Variants in XKR4 observed in about 807,000 individuals in gnomAD.
The protein encoded by XKR4 is XK-related protein 4.
Under a neutral mutation model 53.9 loss-of-function variants are expected in XKR4, and 12 were observed. That is an observed-to-expected ratio of 0.22 (90% CI 0.14 to 0.36). The LOEUF (loss-of-function observed/expected upper bound fraction) is 0.36, where lower values mean the gene tolerates loss of function less well. Ranked by LOEUF, XKR4 falls within the 10% of genes least tolerant of loss-of-function variation. The pLI, the probability that XKR4 is intolerant of heterozygous loss-of-function variation, is 1.00. For synonymous variants in XKR4, 354 were observed against 362.4 expected (o/e 0.98, Z 0.26); for missense variants, 799 against 859.5 (o/e 0.93, Z 0.88).
chr8:55,120,716 A>G (rs1816379343), intron 1 of XKR4, among the ~76,000 whole-genome samples: 3 of 152,130 alleles, frequency 2.0e-5, no homozygotes, highest in South Asian at 2.1e-4. Flanking sequence ...ACTGATGGAA[A>G]ATATTGATAT....
chr8:55,453,692 T>C (rs931635706), intron 2 of XKR4: 5 of 400,868 alleles, frequency 1.2e-5, no homozygotes, highest in Admixed American at 9.4e-5. Flanking sequence ...CCATCTCAGG[T>C]GGCTGCTGTC....
intron 2 of XKR4, among the ~76,000 whole-genome samples, chr8:55,361,322 T>C (rs1803903650): frequency 6.6e-6 from 1 of 151,736 alleles, no homozygotes; most frequent in Admixed American, 6.6e-5. Context: ...GAAAGTGGGA[T>C]GGGGAGAAGG....
At chr8:55,214,739 A>T (rs994327274) in intron 1 of XKR4, among the ~76,000 whole-genome samples, 6 of 152,012 alleles carry the variant, frequency 3.9e-5, no homozygotes, top group African/African-American at 1.2e-4. Flanking sequence ...TCCCCTGTTT[A>T]CCTGTGGGTA....
intron 1 of XKR4, among the ~76,000 whole-genome samples, chr8:55,124,130 C>A (rs762061120): frequency 6.6e-6 from 1 of 152,186 alleles, no homozygotes; most frequent in Non-Finnish European, 1.5e-5. Flanking sequence ...TTACAAATGC[C>A]TCCCCTAACT....
chr8:55,221,457 T>A (rs1388415314), intron 1 of XKR4, among the ~76,000 whole-genome samples: 4 of 152,194 alleles, frequency 2.6e-5, no homozygotes, highest in African/African-American at 9.6e-5. Context: ...GAGCAGGGTG[T>A]GGCGGTTTCC....
intron 1 of XKR4, among the ~76,000 whole-genome samples, chr8:55,311,829 C>CAA (rs57826022): frequency 0.042 from 4,131 of 98,066 alleles, 148 homozygotes; most frequent in African/African-American, 0.13. Flanking sequence ...TGTAATTTAG[C>CAA]AAAAAAAAAA....
intron 2 of XKR4, among the ~76,000 whole-genome samples, chr8:55,487,906 A>G (rs918655768): frequency 6.6e-6 from 1 of 152,222 alleles, no homozygotes; most frequent in African/African-American, 2.4e-5. Flanking sequence ...AGTTCCGCTT[A>G]ACATGATGCC....
At chr8:55,293,961 A>G (rs999509949) in intron 1 of XKR4, among the ~76,000 whole-genome samples, 13 of 152,230 alleles carry the variant, frequency 8.5e-5, no homozygotes, top group Non-Finnish European at 1.5e-5. Flanking sequence ...CAAATAGGTC[A>G]TTAACATCTA....
chr8:55,451,445 G>T, intron 2 of XKR4: 1 of 1,225,276 alleles, frequency 8.2e-7, no homozygotes, highest in Non-Finnish European at 1.2e-6. Flanking sequence ...ACAACAGCCT[G>T]CAGGTACTTC....
At chr8:55,449,986 A>G in intron 2 of XKR4, 1 of 820,222 alleles carries the variant, frequency 1.2e-6, no homozygotes, top group South Asian at 1.4e-5. Flanking sequence ...CTGCAGGTAC[A>G]TACCCAGCGA....
At chr8:55,376,593 T>G (rs1804155103) in intron 2 of XKR4, among the ~76,000 whole-genome samples, 1 of 152,170 alleles carries the variant, frequency 6.6e-6, no homozygotes, top group South Asian at 2.1e-4. Context: ...TTCTTGTAAA[T>G]TTGCTTAAGT....
intron 1 of XKR4, among the ~76,000 whole-genome samples, chr8:55,254,229 C>T (rs2129370131): frequency 6.6e-6 from 1 of 152,162 alleles, no homozygotes; most frequent in South Asian, 2.1e-4. Flanking sequence ...TTTCTGTTCT[C>T]ACAGCCCTTC....
intron 2 of XKR4, among the ~76,000 whole-genome samples, chr8:55,502,776 C>G (rs947585731): frequency 6.6e-6 from 1 of 152,082 alleles, no homozygotes; most frequent in Non-Finnish European, 1.5e-5. Flanking sequence ...GTGTCATACC[C>G]AAGAAATCAC....
At chr8:55,307,883 A>G (rs1402196914) in intron 1 of XKR4, among the ~76,000 whole-genome samples, 1 of 152,210 alleles carries the variant, frequency 6.6e-6, no homozygotes, top group Non-Finnish European at 1.5e-5. Context: ...ACTCTAGCAA[A>G]CAGCTTGGTA....
intron 2 of XKR4, among the ~76,000 whole-genome samples, chr8:55,433,624 C>T (rs961423322): frequency 6.6e-6 from 1 of 152,138 alleles, no homozygotes; most frequent in African/African-American, 2.4e-5. Context: ...ACAAATGAAA[C>T]CTTTGAAAAG....
At chr8:55,517,492 G>T (rs1806730780) in intron 2 of XKR4, 1 of 152,078 alleles carries the variant, frequency 6.6e-6, no homozygotes, top group South Asian at 2.1e-4. Flanking sequence ...GGGTGTTAGG[G>T]GCTAGAAAAG....
intron 2 of XKR4, among the ~76,000 whole-genome samples, chr8:55,382,266 C>T (rs946998200): frequency 6.6e-6 from 1 of 152,150 alleles, no homozygotes; most frequent in Non-Finnish European, 1.5e-5. Flanking sequence ...TAGTCATTGA[C>T]CTGGGACAAG....
At chr8:55,389,762 G>A (rs16921691) in intron 2 of XKR4, among the ~76,000 whole-genome samples, 4,965 of 152,254 alleles carry the variant, frequency 0.033, 238 homozygotes, top group African/African-American at 0.11. Context: ...CTGTGGAAAT[G>A]AAGTGAAGTT....
rs1016986279 is a variant in XKR4, at chr8:55,494,634, G to A, written c.1007-28647G>A. On this transcript the variant is annotated intron_variant, in intron 2 of 2. Coordinates refer to ENST00000327381, the MANE Select transcript of XKR4 (RefSeq NM_052898.2). ...ACGAGTGTTCAGCTCTCAGCAGAGA[G>A]GGTAACTCCTCTCTGTGAGCAGGTC... Among the ~76,000 whole-genome samples, 6 of 152,148 alleles carry A rather than the reference G, an allele frequency of 3.9e-5. No homozygotes were observed. In the South Asian group the frequency reaches 6.2e-4, roughly 16 times the overall value.
Sources: allele counts gnomAD v4.1 joint callset (sites outside exome capture counted in the v4.1 genomes callset), GRCh38; gene constraint gnomAD v4.1.1; transcripts MANE v1.5; gene names NCBI Gene and HGNC (gene_info 2026-07-23, HGNC 2026-07-21).